GSDMC: variants seen among roughly 807,000 people sequenced by gnomAD.
The protein encoded by GSDMC is gasdermin C.
GSDMC carries 59 observed loss-of-function variants against 58.0 expected under a neutral mutation model. That is an observed-to-expected ratio of 1.02 (90% CI 0.82 to 1.26). GSDMC has a LOEUF of 1.26. GSDMC is among the 50% of genes most tolerant of loss of function. The probability of loss-of-function intolerance (pLI) is 0.00; values close to 1 mark genes in which losing one functional copy is unlikely to be tolerated. For missense variants in GSDMC, 659 were observed against 598.5 expected, an observed-to-expected ratio of 1.10 and a Z score of -1.06; for synonymous variants, 241 against 220.2, an observed-to-expected ratio of 1.09 and a Z score of -0.83.
chr8:129,781,746 T>C (rs1309240360), intron 1 of GSDMC, among the ~76,000 whole-genome samples: 3 of 88,620 alleles, frequency 3.4e-5, no homozygotes, highest in African/African-American at 2.4e-4. Context: ...CGAGACTCCA[T>C]CTCAAAAAAA....
chr8:129,721,938 C>A, the GSDMC span, among the ~76,000 whole-genome samples: 15 of 152,232 alleles, frequency 9.9e-5, no homozygotes, highest in African/African-American at 3.6e-4. Flanking sequence ...AGATTAGCCC[C>A]ACCCAAATCA....
At chr8:129,749,676 C>T (rs1563785619) in intron 12 of GSDMC, 151 bp from the exon 13 acceptor site, 11 of 671,830 alleles carry the variant, frequency 1.6e-5, no homozygotes, top group Non-Finnish European at 2.9e-5. Context: ...CCCTGGGAAG[C>T]CCTTCAGAAT....
At chr8:129,762,464 G>C (rs1435071345) in intron 5 of GSDMC, among the ~76,000 whole-genome samples, 162 bp downstream of exon 5, 1 of 152,190 alleles carries the variant, frequency 6.6e-6, no homozygotes, top group Non-Finnish European at 1.5e-5. Context: ...TGTGTGGTGA[G>C]ATGGGTGTGT....
chr8:129,727,310 A>C, the GSDMC span, among the ~76,000 whole-genome samples: 1 of 152,194 alleles, frequency 6.6e-6, no homozygotes, highest in African/African-American at 2.4e-5. Context: ...GGAAATAGCA[A>C]GACAGTGCAT....
At chr8:129,743,916 C>T (rs945446452), downstream of GSDMC, among the ~76,000 whole-genome samples, 1 of 152,146 alleles carries the variant, frequency 6.6e-6, no homozygotes, top group East Asian at 1.9e-4. Flanking sequence ...ACCAGTCAAG[C>T]TCTAGAAATT....
chr8:129,784,241 T>C (rs1307987367), intron 1 of GSDMC, among the ~76,000 whole-genome samples: 4 of 151,988 alleles, frequency 2.6e-5, no homozygotes, highest in Non-Finnish European at 2.9e-5. Flanking sequence ...AATAGACAAA[T>C]TGGATCTCAT....
chr8:129,777,697 T>G (rs968611360), intron 1 of GSDMC, 106 bp from the exon 2 acceptor site: 84 of 686,260 alleles, frequency 1.2e-4, no homozygotes, highest in Non-Finnish European at 1.8e-4. Context: ...CATATGAGAT[T>G]AGCAGGTCTT....
At chr8:129,748,153 C>T (rs925117281), downstream of GSDMC, 11 of 165,848 alleles carry the variant, frequency 6.6e-5, no homozygotes, top group African/African-American at 7.1e-5. Context: ...TTACCGTTAT[C>T]GGTACACTTC....
chr8:129,774,465 G>A (rs1166792761), intron 3 of GSDMC, among the ~76,000 whole-genome samples: 1 of 150,308 alleles, frequency 6.7e-6, no homozygotes, highest in African/African-American at 2.4e-5. Context: ...AATACAGGGG[G>A]AAAGTTCCTC....
chr8:129,763,106 T>C (rs981706278), intron 4 of GSDMC, among the ~76,000 whole-genome samples: 3 of 152,220 alleles, frequency 2.0e-5, no homozygotes, highest in Non-Finnish European at 2.9e-5. Context: ...AAAACTGCTT[T>C]TCCCCACTCC....
At chr8:129,763,846 C>T (rs1281809787) in intron 4 of GSDMC, among the ~76,000 whole-genome samples, 3 of 152,152 alleles carry the variant, frequency 2.0e-5, no homozygotes, top group Non-Finnish European at 4.4e-5. Context: ...TCCCAAAGTG[C>T]TAGGATTACA....
the GSDMC span, among the ~76,000 whole-genome samples, chr8:129,726,264 G>A: frequency 1.3e-5 from 2 of 152,170 alleles, no homozygotes; most frequent in African/African-American, 4.8e-5. Flanking sequence ...TTTCAAGAAG[G>A]AGGTTCTATT....
chr8:129,729,151 G>A, the GSDMC span: 1 of 664,654 alleles, frequency 1.5e-6, no homozygotes, highest in Admixed American at 1.9e-5. Context: ...AGGAGGCAAT[G>A]TTGTTTACTT....
At chr8:129,753,425 A>G (rs1472614571) in intron 6 of GSDMC, among the ~76,000 whole-genome samples, 1 of 152,168 alleles carries the variant, frequency 6.6e-6, no homozygotes, top group Non-Finnish European at 1.5e-5. Context: ...CTTGAAGGGA[A>G]GAACACAGTC....
At chr8:129,722,320 A>G in the GSDMC span, among the ~76,000 whole-genome samples, 3 of 152,182 alleles carry the variant, frequency 2.0e-5, no homozygotes, top group Non-Finnish European at 2.9e-5. Context: ...TGAATAATCA[A>G]TGTGGGTGAG....
chr8:129,779,322 G>A (rs1353287008), intron 1 of GSDMC, among the ~76,000 whole-genome samples: 2 of 152,148 alleles, frequency 1.3e-5, no homozygotes, highest in Admixed American at 6.6e-5. Context: ...GGAGCTGGCA[G>A]CCATTACACT....
At chr8:129,752,613 C>G in intron 7 of GSDMC, 85 bp downstream of exon 7, 1 of 1,547,542 alleles carries the variant, frequency 6.5e-7, no homozygotes, top group Non-Finnish European at 8.7e-7. Flanking sequence ...TTCATACACC[C>G]CACATAAACA....
chr8:129,748,634 T>A lies in GSDMC; in HGVS notation c.1394A>T (p.Tyr465Phe). 6.2e-7 allele frequency: 1 copy of A among 1,612,644 alleles called. No homozygotes were observed. The highest frequency in any genetic ancestry group is 8.5e-7 in the Non-Finnish European group (1 of 1,179,366). Residue 465 changes from tyrosine to phenylalanine, a missense_variant, in exon 14 of 14, where the codon TAT (tyrosine) becomes TTT (phenylalanine). By Grantham distance (22) the Tyr-to-Phe change is conservative (BLOSUM62 3). Transcript: ENST00000276708. Reference protein sequence around the residue: ...PLQSEGLAITYGLLEECGLRM... With the variant: ...PLQSEGLAITFGLLEECGLRM... ...AAGGCCACACTCCTCCAGCAGGCCA[T>A]AGGTGATGGCCAAACCCTCACTCTG... is the stretch of plus-strand genomic sequence containing the variant.
chr8:129,723,996 A>G, the GSDMC span, among the ~76,000 whole-genome samples: 3 of 152,260 alleles, frequency 2.0e-5, no homozygotes, highest in African/African-American at 7.2e-5. Context: ...GTGGGCACAA[A>G]AGCTTGCTTT....
Sources: allele counts gnomAD v4.1 joint callset (sites outside exome capture counted in the v4.1 genomes callset), GRCh38; gene constraint gnomAD v4.1.1; transcripts MANE v1.5; gene names NCBI Gene and HGNC (gene_info 2026-07-23, HGNC 2026-07-21).